PDZD8: variants seen among roughly 807,000 people sequenced by gnomAD.
The protein encoded by PDZD8 is PDZ domain containing 8.
In PDZD8, 14 loss-of-function variants were observed where a neutral mutation model predicts 85.8. The ratio of observed to expected loss-of-function variants is 0.16; its 90% CI spans 0.11 to 0.26. PDZD8 has a LOEUF of 0.26. PDZD8 is among the 10% of genes least tolerant of loss of function. PDZD8 has a pLI of 1.00. For missense variants in PDZD8, 1,197 were observed against 1,424.3 expected (o/e 0.84, Z 2.57); for synonymous variants, 592 against 568.6 (o/e 1.04, Z -0.59).
In PDZD8 at chr10:117,278,503, T is replaced by G. The variant is rs1184144844; in HGVS notation, c.*4765A>C. On this transcript the variant is annotated 3_prime_UTR_variant, in exon 5 of 5. Coordinates refer to ENST00000334464, the MANE Select transcript of PDZD8 (RefSeq NM_173791.5). Reference sequence around the variant, plus strand: ...CTTTTCAGTGTAACAGCAAATACTGTTAGTGAACATTGTCAATTTATGTCA... The same window carrying G: ...CTTTTCAGTGTAACAGCAAATACTGGTAGTGAACATTGTCAATTTATGTCA... 1 of 152,214 alleles carries G rather than the reference T, an allele frequency of 6.6e-6. No individual in the cohort carries two copies. The highest frequency in any genetic ancestry group is 1.5e-5 in the Non-Finnish European group (1 of 68,038). 9.4% of individuals were successfully genotyped at this position (152,214 alleles called of 1,614,324 possible). A position where few individuals can be genotyped will look rare whatever the true frequency, so the allele number is the denominator to read the frequency against.
At chr10:117,341,992 T>C (rs1225961054) in intron 1 of PDZD8, among the ~76,000 whole-genome samples, 1 of 152,248 alleles carries the variant, frequency 6.6e-6, no homozygotes, top group Non-Finnish European at 1.5e-5. Context: ...GCAATATTAT[T>C]GGCTCCTCTC....
At chr10:117,367,582 T>A (rs575779897) in intron 1 of PDZD8, among the ~76,000 whole-genome samples, 6 of 152,292 alleles carry the variant, frequency 3.9e-5, no homozygotes, top group African/African-American at 1.4e-4. Context: ...CTGGAGGAAA[T>A]CCAATGTGCA....
At chr10:117,314,744 T>C (rs1239255150) in intron 3 of PDZD8, among the ~76,000 whole-genome samples, 1 of 152,248 alleles carries the variant, frequency 6.6e-6, no homozygotes, top group African/African-American at 2.4e-5. Flanking sequence ...GCTTCTTTTA[T>C]AATTTCCTCT....
intron 2 of PDZD8, among the ~76,000 whole-genome samples, chr10:117,326,354 C>T (rs902099637): frequency 3.5e-4 from 53 of 152,200 alleles, no homozygotes; most frequent in African/African-American, 1.2e-3. Context: ...TCACCCTATG[C>T]CATAACCAGA....
intron 1 of PDZD8, among the ~76,000 whole-genome samples, chr10:117,361,529 ACTTTAAAGCAAAATT>A (rs1357735257): frequency 2.6e-5 from 4 of 152,194 alleles, no homozygotes; most frequent in Admixed American, 2.6e-4. Context: ...AAGAGAAAAT[ACTTTAAAGCAAAATT>A]ACCACCTCCC....
Position 117,279,316 on chromosome 10 carries a change from T to G in PDZD8, c.*3952A>C, listed in dbSNP as rs915761738. On this transcript the variant is annotated 3_prime_UTR_variant, in exon 5 of 5. Coordinates refer to ENST00000334464, the MANE Select transcript of PDZD8 (RefSeq NM_173791.5). ...CAGAGGTGGTTTTTATGTTTGGACCTGGTAATACAGATACAAAAACTTTAA... is the reference window on the plus strand; with the variant it reads ...CAGAGGTGGTTTTTATGTTTGGACCGGGTAATACAGATACAAAAACTTTAA... 2.0e-5 allele frequency: 3 copies of G among 152,208 alleles called. No homozygotes were observed. Among genetic ancestry groups the G allele is most frequent in the Non-Finnish European group, 4.4e-5 (3 of 68,044 alleles). 9.4% of individuals were successfully genotyped at this position (152,208 alleles called of 1,614,324 possible). A position where few individuals can be genotyped will look rare whatever the true frequency, so the allele number is the denominator to read the frequency against.
chr10:117,364,459 GCA>G (rs1347400687), intron 1 of PDZD8, among the ~76,000 whole-genome samples: 1 of 148,048 alleles, frequency 6.8e-6, no homozygotes, highest in East Asian at 2.1e-4. Context: ...GTTTCTATAC[GCA>G]CACAGACAGA....
chr10:117,370,914 T>C (rs1845177156), intron 1 of PDZD8, among the ~76,000 whole-genome samples: 1 of 108,576 alleles, frequency 9.2e-6, no homozygotes, highest in African/African-American at 3.9e-5. Context: ...AAGAACAACA[T>C]AGTTTGTGTG....
rs4508124 is a variant in PDZD8 at position 117,301,122 on chromosome 10, G to C, written c.1099-10774C>G. ...TCTTACCTCAGCCATCAGAGTAGCT[G>C]GGATTACAGGTGCGTGCCACCACAC... On this transcript the variant is annotated intron_variant, in intron 3 of 4. Transcript: ENST00000334464. 5.5e-3 allele frequency among the ~76,000 whole-genome samples: 843 copies of C among 152,174 alleles called. 11 individuals are homozygous for C. The highest frequency in any genetic ancestry group is 0.02 in the African/African-American group (815 of 41,520).
At chr10:117,295,741 AT>A (rs1184987856) in intron 3 of PDZD8, among the ~76,000 whole-genome samples, 7 of 152,204 alleles carry the variant, frequency 4.6e-5, no homozygotes, top group African/African-American at 1.7e-4. Context: ...TAACAAAACA[AT>A]GGAGAAAGCC....
intron 1 of PDZD8, among the ~76,000 whole-genome samples, chr10:117,350,510 T>A (rs1158496445): frequency 6.6e-6 from 1 of 151,208 alleles, no homozygotes; most frequent in Admixed American, 6.6e-5. Context: ...ATGATCCACC[T>A]GCTTCGGCCT....
intron 4 of PDZD8, chr10:117,285,808 G>A (rs991380754): frequency 1.3e-5 from 12 of 921,808 alleles, no homozygotes; most frequent in Non-Finnish European, 1.6e-5. Flanking sequence ...AACTGAAGAA[G>A]TGAACAGAGA....
chr10:117,308,069 A>G (rs1843973538), intron 3 of PDZD8, among the ~76,000 whole-genome samples: 1 of 152,152 alleles, frequency 6.6e-6, no homozygotes, highest in Non-Finnish European at 1.5e-5. Flanking sequence ...CATCCATGCT[A>G]TGATATTAAT....
intron 3 of PDZD8, 61 bp downstream of exon 3, chr10:117,318,811 T>A: frequency 8.2e-7 from 1 of 1,215,042 alleles, no homozygotes; most frequent in African/African-American, 1.5e-5. Flanking sequence ...GAAATAGTAA[T>A]AAATGCATGC....
At chr10:117,293,583 G>A (rs1843702932) in intron 3 of PDZD8, among the ~76,000 whole-genome samples, 1 of 152,016 alleles carries the variant, frequency 6.6e-6, no homozygotes, top group Non-Finnish European at 1.5e-5. Flanking sequence ...ATCCTTATAA[G>A]CATATCTCTT....
In PDZD8 at chr10:117,374,964, G is replaced by C. The variant is rs539046380; in HGVS notation, c.264C>G (p.Ala88=). 8.2e-5 allele frequency: 132 copies of C among 1,608,746 alleles called. 1 individual carries two copies. The African/African-American group carries it at 1.7e-3, about 20-fold the overall frequency. ...AGTAGCAAGTCTCCCGCGTCGGCGG[G>C]GCGGGGGTCTCGGGGGCCGCGGTGG... ...ATPTAAPETP[A]PPTRETCYFL... Residue 88 remains alanine, a synonymous_variant, in exon 1 of 5, where the codon GCC becomes GCG. Coordinates refer to ENST00000334464, the MANE Select transcript of PDZD8 (RefSeq NM_173791.5). This position sits in a 1 kb window ranked among gnomAD's most constrained non-coding sequence, Gnocchi z 7.8.
intron 3 of PDZD8, among the ~76,000 whole-genome samples, chr10:117,310,552 T>G (rs907181102): frequency 1.2e-4 from 19 of 152,160 alleles, no homozygotes; most frequent in African/African-American, 4.3e-4. Context: ...GAGAACTACA[T>G]CCCTCATTTT....
chr10:117,374,502 G>A lies in PDZD8; in HGVS notation c.726C>T (p.Phe242=). The A allele has an allele frequency of 1.2e-6, 2 of 1,613,402 alleles. No individual in the cohort carries two copies. Among genetic ancestry groups the A allele is most frequent in the Non-Finnish European group, 1.7e-6 (2 of 1,179,690 alleles). Residue 242 remains phenylalanine, a synonymous_variant, in exon 1 of 5, where the codon TTC becomes TTT. Coordinates refer to ENST00000334464, the MANE Select transcript of PDZD8 (RefSeq NM_173791.5). The surrounding 1 kb of genome is among the most constrained non-coding windows in gnomAD (Gnocchi z 7.8). ...TCAGCGGGTCTTCCACGAAGGAGAA[G>A]AACCAGTGGGTGAAGGGCACGCGCG... ...VFTRVPFTHW[F]FSFVEDPLID...
intron 3 of PDZD8, among the ~76,000 whole-genome samples, chr10:117,314,669 C>A (rs1015717513): frequency 3.9e-5 from 6 of 152,008 alleles, no homozygotes; most frequent in Non-Finnish European, 8.8e-5. Flanking sequence ...TACTTCTACT[C>A]TTTTACTTAT....
Sources: allele counts gnomAD v4.1 joint callset (sites outside exome capture counted in the v4.1 genomes callset), GRCh38; gene constraint gnomAD v4.1.1; non-coding constraint Gnocchi (gnomAD v3.1); transcripts MANE v1.5; gene names NCBI Gene and HGNC (gene_info 2026-07-23, HGNC 2026-07-21).